ACOX3: variants seen among roughly 807,000 people sequenced by gnomAD.
ACOX3 encodes acyl-CoA oxidase 3, pristanoyl.
ACOX3 carries 73 observed loss-of-function variants against 81.5 expected under a neutral mutation model. That is an observed-to-expected ratio of 0.90 (90% CI 0.74 to 1.09). ACOX3 has a LOEUF of 1.09. Ranked by LOEUF, ACOX3 falls within the 50% of genes least tolerant of loss-of-function variation. The pLI is 0.00. For synonymous variants in ACOX3, 387 were observed against 375.1 expected, an observed-to-expected ratio of 1.03 and a Z score of -0.37; for missense variants, 947 against 928.0, an observed-to-expected ratio of 1.02 and a Z score of -0.27.
intron 5 of ACOX3, among the ~76,000 whole-genome samples, chr4:8,411,377 G>A (rs1460455922): frequency 6.6e-6 from 1 of 152,232 alleles, no homozygotes; most frequent in Non-Finnish European, 1.5e-5. Context: ...TGTAAACAGA[G>A]TAGTGAACAA....
chr4:8,414,297 T>C lies in ACOX3; in HGVS notation c.538A>G (p.Thr180Ala). ...CGGGGGAAGGTAATACCTACCTCAG[T>C]GGCAGGATCGTAGTGGGCAGTTGTG... ...IRTTAHYDPATEEFIIHSPDF... is the reference protein window; with the variant it reads ...IRTTAHYDPAAEEFIIHSPDF... Residue 180 changes from threonine (T) to alanine (A), a missense_variant, in exon 5 of 18, where the codon ACT becomes GCT. By Grantham distance (58) the Thr-to-Ala change is moderately conservative. Transcript: ENST00000356406. The surrounding 1 kb of genome is among the most constrained non-coding windows in gnomAD (Gnocchi z 6.1). 6.2e-7 allele frequency: 1 copy of C among 1,613,590 alleles called. No homozygotes were observed. The highest frequency in any genetic ancestry group is 8.5e-7 in the Non-Finnish European group (1 of 1,179,498).
In ACOX3 at chr4:8,406,761, T is replaced by C. The variant is rs1721014692; in HGVS notation, c.688-718A>G. On this transcript the variant is annotated intron_variant, in intron 6 of 17. Transcript: ENST00000356406. This position sits in a 1 kb window ranked among gnomAD's most constrained non-coding sequence, Gnocchi z 5.6. ...ATTATTTCTGCTTATTAGAGACTTT[T>C]AGTACTTTCACTAATTTGCTACTGC... 6.6e-6 allele frequency among the ~76,000 whole-genome samples: 1 copy of C among 152,198 alleles called. No homozygotes were observed. The highest frequency in any genetic ancestry group is 1.5e-5 in the Non-Finnish European group (1 of 68,036).
At chr4:8,360,049 G>T in the ACOX3 span, among the ~76,000 whole-genome samples, 1 of 152,150 alleles carries the variant, frequency 6.6e-6, no homozygotes, top group Non-Finnish European at 1.5e-5. Flanking sequence ...CTTTGCTGCA[G>T]GTCCCTCAAA....
chr4:8,362,688 G>T (rs1315304609), downstream of ACOX3, among the ~76,000 whole-genome samples: 1 of 152,218 alleles, frequency 6.6e-6, no homozygotes, highest in African/African-American at 2.4e-5. Flanking sequence ...CTGACCTGTG[G>T]TAAATGAAGA....
In ACOX3 at chr4:8,414,407, G is replaced by A; in HGVS notation, c.454-26C>T. The A allele has an allele frequency of 6.3e-7, 1 of 1,598,488 alleles. No individual in the cohort carries two copies. Among genetic ancestry groups the A allele is most frequent in the African/African-American group, 1.3e-5 (1 of 74,662 alleles). On this transcript the variant is annotated intron_variant, in intron 4 of 17. Transcript: ENST00000356406. The surrounding 1 kb of genome is among the most constrained non-coding windows in gnomAD (Gnocchi z 6.1). ...CTAAATGTCAAAGCACAAAATGATGGAAAGCAAGAAAAGTTCTTTGTGCAC... is the reference window on the plus strand; with the variant it reads ...CTAAATGTCAAAGCACAAAATGATGAAAAGCAAGAAAAGTTCTTTGTGCAC...
intron 13 of ACOX3, among the ~76,000 whole-genome samples, chr4:8,387,140 A>C (rs1718409889): frequency 6.6e-6 from 1 of 152,256 alleles, no homozygotes; most frequent in Non-Finnish European, 1.5e-5. Flanking sequence ...GTTCCTGTCC[A>C]AACTCTGTGG....
Position 8,405,877 on chromosome 4 carries a change from G to T in ACOX3, c.776+78C>A. On this transcript the variant is annotated intron_variant, in intron 7 of 17. Transcript: ENST00000356406. The surrounding 1 kb of genome is among the most constrained non-coding windows in gnomAD (Gnocchi z 7.1). ...GCAGGGCATGGCATCCATGGGGCCA[G>T]TGAGATCTCAGACATGAGCGACAAC... The T allele has an allele frequency of 7.1e-7, 1 of 1,411,130 alleles. No individual in the cohort carries two copies. The highest frequency in any genetic ancestry group is 1.0e-6 in the Non-Finnish European group (1 of 996,656). 87.4% of individuals were successfully genotyped at this position (1,411,130 alleles called of 1,614,324 possible).
At position 8,407,651 on chromosome 4, in the gene ACOX3, G is replaced by C. The variant is rs1478091361; in HGVS notation, c.688-1608C>G. On this transcript the variant is annotated intron_variant, in intron 6 of 17. Transcript: ENST00000356406. This position sits in a 1 kb window ranked among gnomAD's most constrained non-coding sequence, Gnocchi z 4.6. ...ATTTCATATTCACGTTTTAGACACA[G>C]GACTCCCTGCTAGATTTTAGTAAAG... Among the ~76,000 whole-genome samples, 2 of 152,228 alleles carry C rather than the reference G, an allele frequency of 1.3e-5. No homozygotes were observed. The highest frequency in any genetic ancestry group is 2.9e-5 in the Non-Finnish European group (2 of 68,046).
rs1380064986 is a variant in ACOX3, at chr4:8,381,760, G to T, written c.1538-153C>A. Among the ~76,000 whole-genome samples the T allele has an allele frequency of 6.6e-6, 1 of 152,196 alleles. No homozygotes were observed. Among genetic ancestry groups the T allele is most frequent in the African/African-American group, 2.4e-5 (1 of 41,436 alleles). On this transcript the variant is annotated intron_variant, in intron 13 of 17. Transcript: ENST00000356406. This position sits in a 1 kb window ranked among gnomAD's most constrained non-coding sequence, Gnocchi z 4.3. ...TGTATGGGGTGGGTCTGATTTTATA[G>T]GTAGGGAAACTGAAGCACAGGGAGG...
intron 17 of ACOX3, among the ~76,000 whole-genome samples, chr4:8,367,872 G>T (rs1204723033): frequency 7.0e-6 from 1 of 143,072 alleles, no homozygotes; most frequent in Admixed American, 7.1e-5. Flanking sequence ...TTCACCTGTA[G>T]TTCTAGCTAC....
At position 8,399,650 on chromosome 4, in the gene ACOX3, A is replaced by T. The variant is rs375594679; in HGVS notation, c.779T>A (p.Phe260Tyr). The change falls in exon 8 of 18, where the codon TTC becomes TAC. Residue 260 changes from phenylalanine to tyrosine, a missense_variant and splice_region_variant. Coordinates refer to ENST00000356406, the MANE Select transcript of ACOX3 (RefSeq NM_003501.3). This position sits in a 1 kb window ranked among gnomAD's most constrained non-coding sequence, Gnocchi z 4.9. ...KLGQNGLDNG[F>Y]AMFHKVRVPR... ...AACTCTGACCTTGTGGAACATGGCG[A>T]AACTGTGGGGAAGCAGCAGGGCTTC... The T allele has an allele frequency of 9.9e-6, 16 of 1,613,846 alleles. No individual in the cohort carries two copies. The highest frequency in any genetic ancestry group is 3.3e-5 in the Admixed American group (2 of 60,000).
At position 8,405,236 on chromosome 4, in the gene ACOX3, A is replaced by G. The variant is rs1429809537; in HGVS notation, c.776+719T>C. Among the ~76,000 whole-genome samples, 1 of 152,200 alleles carries G rather than the reference A, an allele frequency of 6.6e-6. No homozygotes were observed. Among genetic ancestry groups the G allele is most frequent in the Non-Finnish European group, 1.5e-5 (1 of 68,032 alleles). On this transcript the variant is annotated intron_variant, in intron 7 of 17. Transcript: ENST00000356406. This position sits in a 1 kb window ranked among gnomAD's most constrained non-coding sequence, Gnocchi z 7.1. ...GGCCTCCCTACCCCGCCTGCATCCC[A>G]GCACAGGCCTGGGCCTGACACTTCC...
intron 14 of ACOX3, among the ~76,000 whole-genome samples, chr4:8,377,598 T>C (rs9985545): frequency 0.051 from 7,838 of 152,264 alleles, 684 homozygotes; most frequent in African/African-American, 0.18. Context: ...CTCAACGGCA[T>C]CTCAGTCCCC....
intron 1 of ACOX3, among the ~76,000 whole-genome samples, chr4:8,426,972 T>C (rs1420018995): frequency 6.6e-6 from 1 of 152,138 alleles, no homozygotes; most frequent in African/African-American, 2.4e-5. Flanking sequence ...ACAGCGGTCA[T>C]CGGCCAACCT....
chr4:8,360,730 C>G, the ACOX3 span, among the ~76,000 whole-genome samples: 2 of 152,154 alleles, frequency 1.3e-5, no homozygotes, highest in African/African-American at 4.8e-5. Flanking sequence ...CCTTGGCCTC[C>G]CAAAGTGCTG....
rs369045964 is a variant in ACOX3 at position 8,373,614 on chromosome 4, C to A, written c.1843G>T (p.Gly615Cys). Residue 615 changes from glycine (G) to cysteine (C), a missense_variant, in exon 16 of 18, where the codon GGT (glycine) becomes TGT (cysteine). Physicochemically the swap from Gly to Cys is radical, Grantham distance 159. Transcript: ENST00000356406. ...TCCAACACTTCTCCCGCCTGCTCAC[C>A]GGAGAAGTATCCTCCTGCAAGCACA... ...ALLYRGGYFS[G>C]EQAGEVLESA... 1.8e-5 allele frequency: 29 copies of A among 1,612,802 alleles called. No individual in the cohort carries two copies. In the East Asian group the frequency reaches 5.8e-4, roughly 32 times the overall value.
rs554799841 is a variant in ACOX3 at position 8,385,440 on chromosome 4, C to A, written c.1537+3733G>T. Among the ~76,000 whole-genome samples, 1 of 152,370 alleles carries A rather than the reference C, an allele frequency of 6.6e-6. No homozygotes were observed. The highest frequency in any genetic ancestry group is 1.9e-4 in the East Asian group (1 of 5,182). Reference sequence around the variant, plus strand: ...GTCACCTCTGGCCCACATCCCATGACCTTGCAGTCCACAAATACACACGTG... The same window carrying A: ...GTCACCTCTGGCCCACATCCCATGAACTTGCAGTCCACAAATACACACGTG... On this transcript the variant is annotated intron_variant, in intron 13 of 17. Coordinates refer to ENST00000356406, the MANE Select transcript of ACOX3 (RefSeq NM_003501.3). This position sits in a 1 kb window ranked among gnomAD's most constrained non-coding sequence, Gnocchi z 5.5.
rs771510910 is a variant in ACOX3, at chr4:8,370,964, C to T, written c.1927G>A (p.Val643Met). Reference protein sequence around the residue: ...LKDDAVALVDVIAPPDFVLDS... With the variant: ...LKDDAVALVDMIAPPDFVLDS... ...AGAACAAAGTCAGGAGGAGCGATCA[C>T]GTCTACCAGGGCAACTGCATCGTCT... Residue 643 changes from valine to methionine, a missense_variant, in exon 17 of 18, where the codon GTG (valine) becomes ATG (methionine). Coordinates refer to ENST00000356406, the MANE Select transcript of ACOX3 (RefSeq NM_003501.3). The surrounding 1 kb of genome is among the most constrained non-coding windows in gnomAD (Gnocchi z 6.3). 30 of 1,614,094 alleles carry T rather than the reference C, an allele frequency of 1.9e-5. No individual in the cohort carries two copies. Among genetic ancestry groups the T allele is most frequent in the Middle Eastern group, 1.6e-4 (1 of 6,062 alleles).
chr4:8,387,796 C>G (rs529169578), intron 13 of ACOX3, among the ~76,000 whole-genome samples: 2 of 152,286 alleles, frequency 1.3e-5, no homozygotes, highest in Non-Finnish European at 2.9e-5. Flanking sequence ...TCGCTCCGCC[C>G]CTCCCTGCGC....
Sources: gnomAD v4.1 joint callset for allele counts (sites outside exome capture counted in the v4.1 genomes callset) on GRCh38, gnomAD v4.1.1 for gene constraint, Gnocchi (gnomAD v3.1) non-coding constraint, MANE v1.5 for transcripts, NCBI Gene and HGNC (gene_info 2026-07-23, HGNC 2026-07-21) for gene names.